Variants in GPR158 observed in about 807,000 individuals in gnomAD.
GPR158 encodes metabotropic glycine receptor.
In GPR158, 30 loss-of-function variants were observed where a neutral mutation model predicts 78.2. The observed-to-expected ratio is 0.38, with a 90% CI of 0.29 to 0.52. GPR158 has a LOEUF of 0.52. Among genes scored for constraint, GPR158 ranks in the 20% least tolerant of loss-of-function variants. The pLI, the probability that GPR158 is intolerant of heterozygous loss-of-function variation, is 0.83. For synonymous variants in GPR158, 581 were observed against 591.1 expected, an observed-to-expected ratio of 0.98 and a Z score of 0.25; for missense variants, 1,463 against 1,523.5, an observed-to-expected ratio of 0.96 and a Z score of 0.66.
At chr10:25,257,204 C>A (rs1853899926) in intron 2 of GPR158, among the ~76,000 whole-genome samples, 2 of 152,120 alleles carry the variant, frequency 1.3e-5, no homozygotes, top group Non-Finnish European at 2.9e-5. Context: ...CTGAACTCAC[C>A]CTTTTTATCA....
At chr10:25,361,416 A>G (rs569105489) in intron 2 of GPR158, among the ~76,000 whole-genome samples, 138 of 152,078 alleles carry the variant, frequency 9.1e-4, no homozygotes, top group Non-Finnish European at 1.6e-3. Flanking sequence ...AATATCTCTC[A>G]GAGATCCTGC....
intron 2 of GPR158, among the ~76,000 whole-genome samples, chr10:25,268,114 A>G (rs1389450325): frequency 1.3e-5 from 2 of 152,118 alleles, no homozygotes; most frequent in Non-Finnish European, 2.9e-5. Context: ...GTGTACTCTG[A>G]ATATACATTT....
At chr10:25,315,496 G>T (rs1263187330) in intron 2 of GPR158, among the ~76,000 whole-genome samples, 16 of 151,990 alleles carry the variant, frequency 1.1e-4, no homozygotes. Flanking sequence ...TGTGTTTTTT[G>T]ATTATTTAGC....
intron 2 of GPR158, among the ~76,000 whole-genome samples, chr10:25,351,778 C>T (rs1006740642): frequency 6.0e-5 from 9 of 149,840 alleles, no homozygotes; most frequent in Non-Finnish European, 8.9e-5. Context: ...TCCGTGTGCA[C>T]GATGTGCAGG....
At chr10:25,321,113 C>T (rs1854941408) in intron 2 of GPR158, among the ~76,000 whole-genome samples, 1 of 152,172 alleles carries the variant, frequency 6.6e-6, no homozygotes, top group Non-Finnish European at 1.5e-5. Flanking sequence ...CTCTCTAGGA[C>T]TCAGTTTCCT....
Position 25,464,009 on chromosome 10 carries a change from A to G in GPR158, c.1336-2642A>G, listed in dbSNP as rs534133512. ...GAGGCCACAAAGGCAGCTCTTCCAA[A>G]TAATATTTTGAAAGAAAAAAAGTGC... is the stretch of plus-strand genomic sequence containing the variant. On this transcript the variant is annotated intron_variant, in intron 4 of 10. Coordinates refer to ENST00000376351, the MANE Select transcript of GPR158 (RefSeq NM_020752.3). 3.3e-5 allele frequency among the ~76,000 whole-genome samples: 5 copies of G among 152,062 alleles called. 1 individual carries two copies. The South Asian group carries it at 1.0e-3, about 32-fold the overall frequency.
At chr10:25,246,033 A>G (rs910301903) in intron 2 of GPR158, among the ~76,000 whole-genome samples, 2 of 152,236 alleles carry the variant, frequency 1.3e-5, no homozygotes, top group African/African-American at 2.4e-5. Flanking sequence ...GCACATAGCC[A>G]TGTCACCCCT....
intron 2 of GPR158, among the ~76,000 whole-genome samples, chr10:25,382,901 G>C (rs1394113241): frequency 1.3e-5 from 2 of 151,690 alleles, no homozygotes; most frequent in African/African-American, 4.8e-5. Context: ...GCATGATCTC[G>C]GCTCATTGCA....
chr10:25,512,613 C>T (rs562501751), intron 5 of GPR158, among the ~76,000 whole-genome samples: 4 of 152,170 alleles, frequency 2.6e-5, no homozygotes, highest in Non-Finnish European at 5.9e-5. Flanking sequence ...TGTTCCAGTT[C>T]TCAGGGGGAA....
chr10:25,543,694 G>A (rs1836621014), intron 5 of GPR158, among the ~76,000 whole-genome samples: 1 of 152,076 alleles, frequency 6.6e-6, no homozygotes, highest in African/African-American at 2.4e-5. Context: ...CTGATTATTA[G>A]TTTCCACTTA....
chr10:25,479,017 G>C (rs1280238612), intron 5 of GPR158, among the ~76,000 whole-genome samples: 1 of 72,646 alleles, frequency 1.4e-5, no homozygotes, highest in Admixed American at 1.4e-4. Flanking sequence ...TGGTGTATAT[G>C]TGCCACTTTT....
At chr10:25,180,262 T>C (rs1467699730) in intron 1 of GPR158, among the ~76,000 whole-genome samples, 1 of 152,214 alleles carries the variant, frequency 6.6e-6, no homozygotes, top group Non-Finnish European at 1.5e-5. Flanking sequence ...AGCATCTATA[T>C]GCATTAGATA....
At position 25,375,167 on chromosome 10, in the gene GPR158, A is replaced by G. The variant is rs541520786; in HGVS notation, c.1009-20744A>G. On this transcript the variant is annotated intron_variant, in intron 2 of 10. Transcript: ENST00000376351. ...ATGATGAACATCTTTTCATGTACTT[A>G]TTTTTCATAAGTATATCCTCTTTGT... is the stretch of plus-strand genomic sequence containing the variant. Among the ~76,000 whole-genome samples the G allele has an allele frequency of 2.0e-5, 3 of 151,428 alleles. 1 individual carries two copies. The South Asian group carries it at 6.2e-4, about 31-fold the overall frequency.
chr10:25,259,204 T>C (rs957122697), intron 2 of GPR158, among the ~76,000 whole-genome samples: 1 of 152,188 alleles, frequency 6.6e-6, no homozygotes, highest in Non-Finnish European at 1.5e-5. Context: ...TACTTTACTC[T>C]GCCATTGTGG....
chr10:25,434,556 T>C (rs1834971178), intron 4 of GPR158, among the ~76,000 whole-genome samples: 2 of 152,336 alleles, frequency 1.3e-5, no homozygotes, highest in South Asian at 4.1e-4. Context: ...ATTAATGCCT[T>C]CATTAATCAT....
chr10:25,598,866 C>A lies in GPR158; in HGVS notation c.3240C>A (p.Ser1080=). The change falls in exon 11 of 11, where the codon TCC becomes TCA. Residue 1080 remains serine, a synonymous_variant. Transcript: ENST00000376351. The part of the protein sequence containing the change: ...EVCLWESQGQ[S]ILEDEKLLIS... ...GCCTTTGGGAGAGCCAAGGCCAGTC[C>A]ATTTTGGAAGATGAGAAGCTTTTGA... The A allele has an allele frequency of 7.4e-6, 12 of 1,614,050 alleles. No homozygotes were observed. Among genetic ancestry groups the A allele is most frequent in the Non-Finnish European group, 9.3e-6 (11 of 1,180,004 alleles).
intron 2 of GPR158, among the ~76,000 whole-genome samples, chr10:25,264,915 T>G (rs1475141116): frequency 6.6e-6 from 1 of 152,198 alleles, no homozygotes; most frequent in Non-Finnish European, 1.5e-5. Flanking sequence ...GAAGCCTAAC[T>G]AAAATGGTTC....
chr10:25,233,779 C>T lies in GPR158; in HGVS notation c.1008+12622C>T, dbSNP rs183435985. Among the ~76,000 whole-genome samples the T allele has an allele frequency of 5.3e-5, 8 of 152,032 alleles. No homozygotes were observed. In the East Asian group the frequency reaches 7.7e-4, roughly 15 times the overall value. On this transcript the variant is annotated intron_variant, in intron 2 of 10. Coordinates refer to ENST00000376351, the MANE Select transcript of GPR158 (RefSeq NM_020752.3). ...ACTCTCCATTCTCTTATGAGTATCC[C>T]GAGGTTATACAAGATGTGATATAGA...
At chr10:25,317,735 T>G (rs1588795787) in intron 2 of GPR158, among the ~76,000 whole-genome samples, 1 of 136,766 alleles carries the variant, frequency 7.3e-6, no homozygotes, top group Non-Finnish European at 1.6e-5. Context: ...TGTTTTGTTT[T>G]GTTTTGTTTT....
Sources: gnomAD v4.1 joint callset for allele counts (sites outside exome capture counted in the v4.1 genomes callset) on GRCh38, gnomAD v4.1.1 for gene constraint, MANE v1.5 for transcripts, NCBI Gene and HGNC (gene_info 2026-07-23, HGNC 2026-07-21) for gene names.